The following RNGTT variants were observed in gnomAD, a reference collection of about 807,000 sequenced individuals.
RNGTT encodes the protein mRNA-capping enzyme.
A neutral mutation model predicts 79.3 loss-of-function variants in RNGTT; 33 were observed. The observed-to-expected ratio is 0.42, with a 90% confidence interval of 0.32 to 0.56. The LOEUF is 0.56. RNGTT is among the 20% of genes least tolerant of loss of function. The pLI, the probability that RNGTT is intolerant of heterozygous loss-of-function variation, is 0.17. For synonymous variants in RNGTT, 222 were observed against 235.9 expected, an observed-to-expected ratio of 0.94 and a Z score of 0.54; for missense variants, 497 against 739.1, an observed-to-expected ratio of 0.67 and a Z score of 3.80.
intron 14 of RNGTT, among the ~76,000 whole-genome samples, chr6:88,672,583 A>G (rs1430488106): frequency 6.6e-6 from 1 of 152,146 alleles, no homozygotes; most frequent in Admixed American, 6.5e-5. Context: ...GAGGGATAAA[A>G]GACTACACAT....
intron 1 of RNGTT, among the ~76,000 whole-genome samples, chr6:88,956,909 G>A (rs1785451228): frequency 6.6e-6 from 1 of 151,984 alleles, no homozygotes; most frequent in African/African-American, 2.4e-5. Flanking sequence ...CGTGGTGGCA[G>A]GTAGTCCCAG....
At chr6:88,881,255 T>G (rs893330058) in intron 8 of RNGTT, among the ~76,000 whole-genome samples, 29 of 152,180 alleles carry the variant, frequency 1.9e-4, no homozygotes, top group African/African-American at 7.0e-4. Context: ...CTATCAAGTG[T>G]AACTGCAAGT....
At position 88,718,524 on chromosome 6, in the gene RNGTT, T is replaced by C. The variant is rs974591948; in HGVS notation, c.1440-40105A>G. Among the ~76,000 whole-genome samples the C allele has an allele frequency of 2.0e-5, 3 of 151,932 alleles. No individual in the cohort carries two copies. In the East Asian group the frequency reaches 5.8e-4, roughly 29 times the overall value. On this transcript the variant is annotated intron_variant, in intron 13 of 15. Transcript: ENST00000369485. ...AAAAATTAAAAAAAATAAAGTAGTG[T>C]CTACTGATCTTTTAATTCAAGCCTA...
intron 14 of RNGTT, among the ~76,000 whole-genome samples, chr6:88,621,573 A>G (rs1218895863): frequency 6.6e-6 from 1 of 151,800 alleles, no homozygotes; most frequent in African/African-American, 2.4e-5. Context: ...AAGAATGAAT[A>G]TCATGCATTT....
intron 4 of RNGTT, among the ~76,000 whole-genome samples, chr6:88,919,155 G>T (rs1215519210): frequency 1.3e-5 from 2 of 152,094 alleles, no homozygotes; most frequent in African/African-American, 2.4e-5. Flanking sequence ...CATTAATTAG[G>T]TATACTACAA....
At chr6:88,814,227 C>T (rs190571980) in intron 11 of RNGTT, among the ~76,000 whole-genome samples, 14 of 152,216 alleles carry the variant, frequency 9.2e-5, no homozygotes, top group Admixed American at 2.6e-4. Context: ...ATAAATCATC[C>T]TTTATTACCT....
At chr6:88,963,252 T>C in intron 1 of RNGTT, 94 bp downstream of exon 1, 1 of 1,280,840 alleles carries the variant, frequency 7.8e-7, no homozygotes, top group Non-Finnish European at 1.1e-6. Flanking sequence ...ATACCACTAA[T>C]GGGCACAGAA....
At chr6:88,939,047 T>C (rs72911623) in intron 2 of RNGTT, among the ~76,000 whole-genome samples, 2,241 of 152,342 alleles carry the variant, frequency 0.015, 28 homozygotes, top group Middle Eastern at 0.034. Context: ...TTGAATTTTC[T>C]CTTTGACTTT....
chr6:88,837,810 G>C (rs1781133554), intron 11 of RNGTT, among the ~76,000 whole-genome samples: 1 of 152,042 alleles, frequency 6.6e-6, no homozygotes, highest in Non-Finnish European at 1.5e-5. Context: ...TGTTTCACCT[G>C]ATAAAACAGA....
intron 11 of RNGTT, among the ~76,000 whole-genome samples, chr6:88,831,316 TA>T (rs1372587199): frequency 2.6e-5 from 4 of 152,138 alleles, no homozygotes; most frequent in African/African-American, 9.7e-5. Flanking sequence ...ATCCATCACA[TA>T]AACAGAACCA....
At chr6:88,789,698 C>T (rs1779342216) in intron 12 of RNGTT, among the ~76,000 whole-genome samples, 1 of 152,150 alleles carries the variant, frequency 6.6e-6, no homozygotes, top group Non-Finnish European at 1.5e-5. Context: ...AAGTAACTAG[C>T]ACCAAACACA....
At chr6:88,946,639 TCTCCCTCTCCCTCTCCCTCTCTCTCC>T (rs1197179894) in intron 1 of RNGTT, among the ~76,000 whole-genome samples, 48 of 151,560 alleles carry the variant, frequency 3.2e-4, no homozygotes, top group Non-Finnish European at 6.3e-4. Context: ...TCCCTCTCCC[TCTCCCTCTCCCTCTCCCTCTCTCTCC>T]CTCCCTCTCC....
At chr6:88,649,712 C>T (rs1050501017) in intron 14 of RNGTT, among the ~76,000 whole-genome samples, 2 of 151,716 alleles carry the variant, frequency 1.3e-5, no homozygotes, top group African/African-American at 4.8e-5. Flanking sequence ...AAAAAAGGTT[C>T]TAAAAGCCAT....
intron 8 of RNGTT, among the ~76,000 whole-genome samples, chr6:88,856,417 T>TACAC (rs138693589): frequency 4.9e-4 from 74 of 150,244 alleles, no homozygotes; most frequent in Admixed American, 1.4e-3. Context: ...GTATTTATTT[T>TACAC]ACACACACAC....
intron 11 of RNGTT, among the ~76,000 whole-genome samples, chr6:88,829,796 G>C (rs1780795710): frequency 6.6e-6 from 1 of 151,692 alleles, no homozygotes; most frequent in East Asian, 1.9e-4. Flanking sequence ...ACAAAGAAGG[G>C]CATTACATAA....
chr6:88,706,795 T>C (rs985831503), intron 13 of RNGTT, among the ~76,000 whole-genome samples: 4 of 152,130 alleles, frequency 2.6e-5, no homozygotes, highest in Admixed American at 1.3e-4. Context: ...AAATTACCTA[T>C]ATAAAAATTT....
At chr6:88,645,337 T>C (rs1391552882) in intron 14 of RNGTT, among the ~76,000 whole-genome samples, 2 of 152,086 alleles carry the variant, frequency 1.3e-5, no homozygotes, top group East Asian at 1.9e-4. Flanking sequence ...CAAACCACTC[T>C]TCAATGAAAT....
intron 13 of RNGTT, among the ~76,000 whole-genome samples, chr6:88,726,389 CAAA>C (rs61210098): frequency 2.7e-4 from 27 of 99,526 alleles, no homozygotes; most frequent in Admixed American, 4.0e-4. Context: ...ATCCTAAGTC[CAAA>C]AAAAAAAAAA....
chr6:88,644,974 T>G (rs1346060350), intron 14 of RNGTT, among the ~76,000 whole-genome samples: 8 of 152,096 alleles, frequency 5.3e-5, no homozygotes. Flanking sequence ...ACCACTCCTA[T>G]TCAACATAGT....
Sources: allele counts gnomAD v4.1 joint callset (sites outside exome capture counted in the v4.1 genomes callset), GRCh38; gene constraint gnomAD v4.1.1; transcripts MANE v1.5; gene names NCBI Gene and HGNC (gene_info 2026-07-23, HGNC 2026-07-21).